Variants in GLIS3 observed in about 807,000 individuals in gnomAD.
GLIS3 encodes the protein GLIS family zinc finger 3.
A neutral mutation model predicts 78.6 loss-of-function variants in GLIS3; 53 were observed. The observed-to-expected ratio is 0.67, with a 90% CI of 0.54 to 0.85. The LOEUF is 0.85. Ranked by LOEUF, GLIS3 falls within the 40% of genes least tolerant of loss-of-function variation. The pLI, the probability that GLIS3 is intolerant of heterozygous loss-of-function variation, is 0.00. For missense variants in GLIS3, 1,703 were observed against 1,231.1 expected, an observed-to-expected ratio of 1.38 and a Z score of -5.74; for synonymous variants, 684 against 509.9, an observed-to-expected ratio of 1.34 and a Z score of -4.60.
At chr9:4,462,368 A>G in the GLIS3 span, among the ~76,000 whole-genome samples, 1 of 152,162 alleles carries the variant, frequency 6.6e-6, no homozygotes, top group Admixed American at 6.5e-5. Flanking sequence ...TGAATGAGGT[A>G]AGAGACCAGT....
At chr9:4,295,653 T>C (rs1816415761) in intron 1 of GLIS3, among the ~76,000 whole-genome samples, 1 of 152,164 alleles carries the variant, frequency 6.6e-6, no homozygotes, top group Non-Finnish European at 1.5e-5. Context: ...GTGAGAGATG[T>C]TTCTGGTGTG....
intron 2 of GLIS3, among the ~76,000 whole-genome samples, chr9:4,247,621 T>C (rs751058569): frequency 5.9e-5 from 9 of 152,092 alleles, no homozygotes; most frequent in Non-Finnish European, 1.0e-4. Flanking sequence ...CATTACAATT[T>C]ACCATTTGGG....
intron 4 of GLIS3, chr9:4,034,446 G>A (rs1824139053): frequency 6.6e-6 from 1 of 152,166 alleles, no homozygotes; most frequent in African/African-American, 2.4e-5. Context: ...GCAGGGATAT[G>A]TTAATTAAGG....
intron 6 of GLIS3, among the ~76,000 whole-genome samples, chr9:3,917,214 C>G (rs921175613): frequency 2.6e-5 from 4 of 152,188 alleles, no homozygotes; most frequent in African/African-American, 9.7e-5. Flanking sequence ...ATGTAAATAT[C>G]ATTGCTTTGT....
At chr9:4,341,404 C>G (rs1461850241) in intron 2 of GLIS3, among the ~76,000 whole-genome samples, 1 of 152,238 alleles carries the variant, frequency 6.6e-6, no homozygotes, top group Non-Finnish European at 1.5e-5. Context: ...GATGTGCACA[C>G]AGCTCATTGT....
At chr9:4,000,384 C>G (rs1311955063) in intron 4 of GLIS3, among the ~76,000 whole-genome samples, 2 of 151,802 alleles carry the variant, frequency 1.3e-5, no homozygotes, top group Non-Finnish European at 2.9e-5. Context: ...GTAATGTCTT[C>G]TAAGGAGAGG....
chr9:4,457,848 CAA>C, the GLIS3 span, among the ~76,000 whole-genome samples: 4 of 123,406 alleles, frequency 3.2e-5, no homozygotes, highest in Admixed American at 8.3e-5. Flanking sequence ...GACTCCATCT[CAA>C]AAAAAAAAAA....
chr9:4,073,580 C>G (rs868013553), intron 4 of GLIS3, among the ~76,000 whole-genome samples: 4 of 152,250 alleles, frequency 2.6e-5, no homozygotes, highest in African/African-American at 4.8e-5. Flanking sequence ...AAAGCAGAAA[C>G]TCAGGATTGC....
At chr9:4,412,287 G>T in the GLIS3 span, among the ~76,000 whole-genome samples, 1 of 152,186 alleles carries the variant, frequency 6.6e-6, no homozygotes, top group Admixed American at 6.5e-5. Flanking sequence ...ATTTGGGGGT[G>T]TCTACAAATG....
the GLIS3 span, among the ~76,000 whole-genome samples, chr9:4,481,328 A>C: frequency 1.3e-5 from 2 of 152,104 alleles, no homozygotes; most frequent in Admixed American, 6.5e-5. Flanking sequence ...TACTAAAAAT[A>C]TAAAAATTAG....
In GLIS3 at chr9:4,252,099, C is replaced by T. The variant is rs569796516; in HGVS notation, c.388+33939G>A. Reference sequence around the variant, plus strand: ...TTATGTGTCTTGGGGTTGCTCTTCTCAAGGAGTATCTTTGTGGTGTTCTCT... The same window carrying T: ...TTATGTGTCTTGGGGTTGCTCTTCTTAAGGAGTATCTTTGTGGTGTTCTCT... On this transcript the variant is annotated intron_variant, in intron 2 of 10. Transcript: ENST00000381971. 1.1e-4 allele frequency among the ~76,000 whole-genome samples: 16 copies of T among 152,248 alleles called. No homozygotes were observed. In the South Asian group the frequency reaches 3.3e-3, roughly 32 times the overall value.
intron 2 of GLIS3, among the ~76,000 whole-genome samples, chr9:4,322,921 T>C (rs1587385646): frequency 6.6e-6 from 1 of 152,232 alleles, no homozygotes; most frequent in Non-Finnish European, 1.5e-5. Context: ...TTTAATGAGA[T>C]CCCATTTGTC....
At chr9:4,126,592 G>A (rs982464805) in intron 2 of GLIS3, among the ~76,000 whole-genome samples, 1 of 152,150 alleles carries the variant, frequency 6.6e-6, no homozygotes, top group Non-Finnish European at 1.5e-5. Flanking sequence ...CAATCTTTCA[G>A]TGTAGTAAAA....
chr9:4,387,463 CTTGT>C, the GLIS3 span, among the ~76,000 whole-genome samples: 11 of 152,270 alleles, frequency 7.2e-5, no homozygotes, highest in East Asian at 2.1e-3. Flanking sequence ...TCTTTCAGCT[CTTGT>C]CGTTCAAATT....
intron 7 of GLIS3, among the ~76,000 whole-genome samples, chr9:3,882,050 T>C (rs980259944): frequency 2.2e-4 from 33 of 152,364 alleles, no homozygotes; most frequent in African/African-American, 7.7e-4. Flanking sequence ...AACTGTGTTC[T>C]TTTTATTCTT....
At chr9:3,926,797 G>A (rs983376458) in intron 6 of GLIS3, among the ~76,000 whole-genome samples, 1 of 151,784 alleles carries the variant, frequency 6.6e-6, no homozygotes, top group Admixed American at 6.6e-5. Context: ...TAATTTTTTT[G>A]TATTTTTAGT....
At chr9:4,045,605 G>C (rs1436426338) in intron 4 of GLIS3, among the ~76,000 whole-genome samples, 1 of 151,710 alleles carries the variant, frequency 6.6e-6, no homozygotes, top group African/African-American at 2.4e-5. Context: ...CCAAAGTGCT[G>C]ACATTACAGA....
chr9:4,368,495 C>T, the GLIS3 span, among the ~76,000 whole-genome samples: 2 of 152,116 alleles, frequency 1.3e-5, no homozygotes, highest in African/African-American at 4.8e-5. Context: ...CAGGTGCCCA[C>T]CACCACCACG....
chr9:4,111,490 A>G (rs1831203914), intron 4 of GLIS3, among the ~76,000 whole-genome samples: 2 of 152,238 alleles, frequency 1.3e-5, no homozygotes, highest in Admixed American at 6.5e-5. Context: ...AGGGAAACCA[A>G]ATTAAACCTT....
Sources: allele counts gnomAD v4.1 joint callset (sites outside exome capture counted in the v4.1 genomes callset), GRCh38; gene constraint gnomAD v4.1.1; transcripts MANE v1.5; gene names NCBI Gene and HGNC (gene_info 2026-07-23, HGNC 2026-07-21).